PCDH9: variants seen among roughly 807,000 people sequenced by gnomAD.
PCDH9 encodes protocadherin-9.
PCDH9 carries 24 observed loss-of-function variants against 70.6 expected under a neutral mutation model. The ratio of observed to expected loss-of-function variants is 0.34; its 90% CI spans 0.25 to 0.48. PCDH9 has a LOEUF of 0.48. Among genes scored for constraint, PCDH9 ranks in the 20% least tolerant of loss-of-function variants. The pLI is 0.99. For synonymous variants in PCDH9, 562 were observed against 558.5 expected, an observed-to-expected ratio of 1.01 and a Z score of -0.09; for missense variants, 1,281 against 1,503.6, an observed-to-expected ratio of 0.85 and a Z score of 2.45.
rs910432219 is a variant in PCDH9 at position 66,533,023 on chromosome 13, C to T, written c.3340+98187G>A. 2.0e-5 allele frequency among the ~76,000 whole-genome samples: 3 copies of T among 152,130 alleles called. No homozygotes were observed. The East Asian group carries it at 5.8e-4, about 29-fold the overall frequency. ...TCACCTTACGGTCTTAGCAACACAT[C>T]TTTCTGTGGGTTGAGGAAGCCACTT... is the stretch of plus-strand genomic sequence containing the variant. On this transcript the variant is annotated intron_variant, in intron 4 of 4. Transcript: ENST00000377865.
intron 3 of PCDH9, among the ~76,000 whole-genome samples, chr13:66,896,678 T>C (rs1189985206): frequency 6.6e-6 from 1 of 152,196 alleles, no homozygotes; most frequent in Non-Finnish European, 1.5e-5. Flanking sequence ...AAAAACATTA[T>C]GTAGTCATGT....
intron 2 of PCDH9, among the ~76,000 whole-genome samples, chr13:66,977,804 T>C (rs1013121160): frequency 2.6e-5 from 4 of 152,208 alleles, no homozygotes; most frequent in Middle Eastern, 6.8e-3. Context: ...TGCTGGGAAA[T>C]GGTGCTTCTG....
At chr13:66,773,692 T>C (rs926371846) in intron 3 of PCDH9, among the ~76,000 whole-genome samples, 1 of 151,332 alleles carries the variant, frequency 6.6e-6, no homozygotes, top group Non-Finnish European at 1.5e-5. Flanking sequence ...TAAACATAAA[T>C]CTAAACAACC....
At chr13:66,622,141 G>A (rs542125016) in intron 4 of PCDH9, among the ~76,000 whole-genome samples, 87 of 152,348 alleles carry the variant, frequency 5.7e-4, no homozygotes, top group African/African-American at 2.0e-3. Flanking sequence ...GCTGGCCCAC[G>A]GGCACTGCAC....
intron 3 of PCDH9, among the ~76,000 whole-genome samples, chr13:66,785,512 G>A (rs1594058669): frequency 6.6e-6 from 1 of 151,720 alleles, no homozygotes; most frequent in Admixed American, 6.6e-5. Context: ...AAGAGAAGTG[G>A]AGATATCCTA....
At chr13:66,923,584 T>C (rs1451481796) in intron 2 of PCDH9, among the ~76,000 whole-genome samples, 1 of 151,702 alleles carries the variant, frequency 6.6e-6, no homozygotes, top group Non-Finnish European at 1.5e-5. Context: ...GATATACTCT[T>C]ATTTTTGTTC....
At chr13:66,657,132 T>C (rs1047697296) in intron 3 of PCDH9, among the ~76,000 whole-genome samples, 10 of 152,204 alleles carry the variant, frequency 6.6e-5, no homozygotes, top group African/African-American at 2.4e-4. Flanking sequence ...GAATAAGTTA[T>C]ACAGAGATCA....
intron 3 of PCDH9, among the ~76,000 whole-genome samples, chr13:66,792,953 T>C (rs1180765868): frequency 1.3e-5 from 2 of 152,118 alleles, no homozygotes; most frequent in Non-Finnish European, 2.9e-5. Flanking sequence ...TAGAAATAGC[T>C]TATTTTCAAC....
chr13:66,981,785 AT>A lies in PCDH9; in HGVS notation c.3037-78181del, dbSNP rs1315174418. On this transcript the variant is annotated intron_variant, in intron 2 of 4. Transcript: ENST00000377865. ...TAAAATAATGCTTATTAAAAATGTT[AT>A]TAAATACATAAAATATTATTAAATA... 3.3e-5 allele frequency among the ~76,000 whole-genome samples: 5 copies of A among 152,310 alleles called. No individual in the cohort carries two copies. The South Asian group carries it at 6.2e-4, about 19-fold the overall frequency.
At chr13:66,353,631 A>C (rs1956329693) in intron 4 of PCDH9, among the ~76,000 whole-genome samples, 1 of 152,012 alleles carries the variant, frequency 6.6e-6, no homozygotes, top group Non-Finnish European at 1.5e-5. Flanking sequence ...TATATAGCTG[A>C]TTACCTTTTA....
rs1330368696 is a variant in PCDH9 at position 66,755,366 on chromosome 13, A to G, written c.3139-123955T>C. On this transcript the variant is annotated intron_variant, in intron 3 of 4. Coordinates refer to ENST00000377865, the MANE Select transcript of PCDH9 (RefSeq NM_203487.3). ...TTATGCTTTTCTGAACCTGCAGGAC[A>G]TAGTTGGAGAGCGACTGACATATCA... Among the ~76,000 whole-genome samples, 3 of 152,188 alleles carry G rather than the reference A, an allele frequency of 2.0e-5. No individual in the cohort carries two copies. The East Asian group carries it at 5.8e-4, about 29-fold the overall frequency.
At chr13:66,927,538 C>G (rs573586379) in intron 2 of PCDH9, among the ~76,000 whole-genome samples, 10 of 152,098 alleles carry the variant, frequency 6.6e-5, no homozygotes, top group African/African-American at 2.2e-4. Context: ...ACCTCTGAAC[C>G]TAAAATTAAA....
intron 2 of PCDH9, among the ~76,000 whole-genome samples, chr13:67,046,036 T>A (rs1594436681): frequency 6.6e-6 from 1 of 152,162 alleles, no homozygotes; most frequent in South Asian, 2.1e-4. Context: ...AAAACTTAGT[T>A]TATACTAATA....
chr13:66,771,891 T>C (rs946811011), intron 3 of PCDH9, among the ~76,000 whole-genome samples: 2 of 152,200 alleles, frequency 1.3e-5, no homozygotes, highest in African/African-American at 4.8e-5. Context: ...AACATTATGG[T>C]AGTATTTTTA....
At chr13:66,737,847 G>C (rs557102890) in intron 3 of PCDH9, among the ~76,000 whole-genome samples, 4 of 152,150 alleles carry the variant, frequency 2.6e-5, no homozygotes, top group African/African-American at 9.7e-5. Flanking sequence ...AGGGTCCTAC[G>C]CCCATGGAAT....
chr13:66,404,526 TC>T (rs1957246636), intron 4 of PCDH9, among the ~76,000 whole-genome samples: 1 of 151,592 alleles, frequency 6.6e-6, no homozygotes, highest in South Asian at 2.1e-4. Flanking sequence ...AGGCTGATAA[TC>T]CACAACTATG....
intron 2 of PCDH9, among the ~76,000 whole-genome samples, chr13:66,933,189 G>T (rs1170376033): frequency 6.6e-6 from 1 of 151,954 alleles, no homozygotes; most frequent in African/African-American, 2.4e-5. Context: ...TGTTATTTGA[G>T]TCTTTGTCAG....
At chr13:66,391,402 CTCTG>C (rs1426357976) in intron 4 of PCDH9, among the ~76,000 whole-genome samples, 1 of 152,140 alleles carries the variant, frequency 6.6e-6, no homozygotes. Context: ...TCTACAAATG[CTCTG>C]TCTGTTTTAT....
chr13:66,772,693 A>AT (rs1364982133), intron 3 of PCDH9, among the ~76,000 whole-genome samples: 1 of 152,152 alleles, frequency 6.6e-6, no homozygotes, highest in Non-Finnish European at 1.5e-5. Flanking sequence ...TTTTAATAAA[A>AT]TAAAAAATAA....
Sources: gnomAD v4.1 joint callset for allele counts (sites outside exome capture counted in the v4.1 genomes callset) on GRCh38, gnomAD v4.1.1 for gene constraint, MANE v1.5 for transcripts, NCBI Gene and HGNC (gene_info 2026-07-23, HGNC 2026-07-21) for gene names.